Variants in CPOX observed in about 807,000 individuals in gnomAD.
CPOX encodes oxygen-dependent coproporphyrinogen-III oxidase, mitochondrial.
Under a neutral mutation model 48.9 loss-of-function variants are expected in CPOX, and 24 were observed. The observed-to-expected ratio is 0.49, with a 90% CI of 0.36 to 0.69. The LOEUF (loss-of-function observed/expected upper bound fraction) is 0.69. CPOX is among the 30% of genes least tolerant of loss of function. CPOX has a pLI of 0.00. For synonymous variants in CPOX, 249 were observed against 234.6 expected (o/e 1.06, Z -0.56); for missense variants, 549 against 597.3 (o/e 0.92, Z 0.84).
Position 98,579,657 on chromosome 3 carries a change from A to G in CPOX, c.*1026T>C. On this transcript the variant is annotated 3_prime_UTR_variant, in exon 7 of 7. Coordinates refer to ENST00000647941, the MANE Select transcript of CPOX (RefSeq NM_000097.7). ...TAATATATGAACAAAGAAATCATACATTAAGAATCCTGTTGTGATTTGCTC... is the reference window on the plus strand; with the variant it reads ...TAATATATGAACAAAGAAATCATACGTTAAGAATCCTGTTGTGATTTGCTC... 1.0e-6 allele frequency: 1 copy of G among 984,828 alleles called. No homozygotes were observed. Among genetic ancestry groups the G allele is most frequent in the Non-Finnish European group, 1.2e-6 (1 of 829,348 alleles). The allele number at this position is 984,828 out of a possible 1,614,324, so 61.0% of individuals were successfully genotyped here.
the CPOX span, among the ~76,000 whole-genome samples, chr3:98,573,801 G>C: frequency 6.6e-6 from 1 of 152,146 alleles, no homozygotes; most frequent in Admixed American, 6.5e-5. Context: ...TATTAACATA[G>C]AGTATAGATC....
rs1707213111 is a variant in CPOX at position 98,579,604 on chromosome 3, T to C, written c.*1079A>G. The C allele has an allele frequency of 5.1e-6, 5 of 984,812 alleles. No homozygotes were observed. Among genetic ancestry groups the C allele is most frequent in the Non-Finnish European group, 6.0e-6 (5 of 829,450 alleles). The allele number at this position is 984,812 out of a possible 1,614,324, so 61.0% of individuals were successfully genotyped here. On this transcript the variant is annotated 3_prime_UTR_variant, in exon 7 of 7. Coordinates refer to ENST00000647941, the MANE Select transcript of CPOX (RefSeq NM_000097.7). ...GAGATGCTCTTCCTTATAAACTTTA[T>C]TACGAAGCAAATAAAATAATACATT... is the stretch of plus-strand genomic sequence containing the variant.
At chr3:98,581,078 C>A (rs888712611) in intron 6 of CPOX, among the ~76,000 whole-genome samples, 1 of 151,552 alleles carries the variant, frequency 6.6e-6, no homozygotes, top group African/African-American at 2.4e-5. Context: ...ATGGGCAAAC[C>A]TTCTTTAGCT....
At chr3:98,575,611 G>A (rs139051262), downstream of CPOX, among the ~76,000 whole-genome samples, 1 of 151,250 alleles carries the variant, frequency 6.6e-6, no homozygotes, top group Non-Finnish European at 1.5e-5. Flanking sequence ...GGCCAACATA[G>A]TGAAACCTTG....
intron 4 of CPOX, among the ~76,000 whole-genome samples, chr3:98,588,397 T>G (rs1707407919): frequency 6.6e-6 from 1 of 152,220 alleles, no homozygotes; most frequent in African/African-American, 2.4e-5. Flanking sequence ...AATTCTCATC[T>G]GGAATAAGAA....
intron 4 of CPOX, 25 bp from the exon 5 acceptor site, chr3:98,585,684 CA>C: frequency 6.3e-7 from 1 of 1,577,426 alleles, no homozygotes; most frequent in Non-Finnish European, 8.7e-7. Flanking sequence ...GGCGCCAAAC[CA>C]GGGATCAAAT....
the CPOX span, among the ~76,000 whole-genome samples, chr3:98,571,907 G>A: frequency 0.025 from 3,759 of 152,036 alleles, 117 homozygotes; most frequent in African/African-American, 0.08. Flanking sequence ...TTGTCTTGTT[G>A]TATTATAGAG....
rs772309560 is a variant in CPOX at position 98,591,099 on chromosome 3, C to A, written c.613G>T (p.Val205Leu). Residue 205 changes from valine (V) to leucine (L), a missense_variant, in exon 2 of 7, where the codon GTG becomes TTG. Transcript: ENST00000647941. Reference protein sequence around the residue: ...QDGCVFEKAGVSISVVHGNLS... With the variant: ...QDGCVFEKAGLSISVVHGNLS... The stretch of plus-strand genomic sequence containing the variant: ...TTTCCATGAACAACAGAAATGCTCA[C>A]CCCAGCCTTTTCGAAAACACACCCA... The A allele has an allele frequency of 1.2e-5, 20 of 1,613,974 alleles. No individual in the cohort carries two copies. The highest frequency in any genetic ancestry group is 1.6e-5 in the Non-Finnish European group (19 of 1,179,972).
At chr3:98,592,869 CTAT>C (rs1025712441) in intron 1 of CPOX, 77 bp downstream of exon 1, 2 of 1,457,020 alleles carry the variant, frequency 1.4e-6, no homozygotes. Flanking sequence ...ATATTGTGAA[CTAT>C]TATATTTTCT....
At position 98,588,821 on chromosome 3, in the gene CPOX, T is replaced by G. The variant is rs573797955; in HGVS notation, c.845A>C (p.Asp282Ala). The change falls in exon 4 of 7, where the codon GAC (aspartate) becomes GCC (alanine). Residue 282 changes from aspartate to alanine, a missense_variant. Asp to Ala is a moderately radical substitution (Grantham distance 126, BLOSUM62 -2). Transcript: ENST00000647941. ...TTGATTCAAGTATGTTGGAGTGAGG[T>G]CACATCCACCACCAAACCACCACTG... ...NKQWWFGGGCDLTPTYLNQED... is the reference protein window; with the variant it reads ...NKQWWFGGGCALTPTYLNQED... 1 of 1,614,120 alleles carries G rather than the reference T, an allele frequency of 6.2e-7. No individual in the cohort carries two copies. Among genetic ancestry groups the G allele is most frequent in the Non-Finnish European group, 8.5e-7 (1 of 1,180,002 alleles).
rs150235153 is a variant in CPOX at position 98,585,477 on chromosome 3, G to T, written c.1136C>A (p.Pro379His). The T allele has an allele frequency of 3.1e-6, 5 of 1,614,038 alleles. No homozygotes were observed. The highest frequency in any genetic ancestry group is 4.2e-6 in the Non-Finnish European group (5 of 1,180,018). Reference protein sequence around the residue: ...VKKHCDDSFTPQEKLWQQLRR... With the variant: ...VKKHCDDSFTHQEKLWQQLRR... ...GAGCTGCTGCCACAGCTTCTCCTGG[G>T]GGGTGAATGAGTCATCACAGTGCTT... Residue 379 changes from proline (P) to histidine (H), a missense_variant, in exon 5 of 7, where the codon CCC becomes CAC. Physicochemically the swap from Pro to His is moderately conservative, Grantham distance 77. Around this residue, in one of 2 missense-constraint regions of CPOX, gnomAD observed 213 missense variants for 279.1 expected, o/e 0.76. Transcript: ENST00000647941.
chr3:98,576,873 G>A (rs1293674063), downstream of CPOX, among the ~76,000 whole-genome samples: 1 of 152,088 alleles, frequency 6.6e-6, no homozygotes, highest in Non-Finnish European at 1.5e-5. Context: ...GAAAACAAAG[G>A]TTAACACATC....
rs753600083 is a variant in CPOX, at chr3:98,585,673, C to T, written c.954-14G>A. 5.0e-6 allele frequency: 8 copies of T among 1,597,746 alleles called. No homozygotes were observed. The highest frequency in any genetic ancestry group is 1.3e-5 in the African/African-American group (1 of 74,488). On this transcript the variant is annotated splice_polypyrimidine_tract_variant and intron_variant, in intron 4 of 6. Coordinates refer to ENST00000647941, the MANE Select transcript of CPOX (RefSeq NM_000097.7). Reference sequence around the variant, plus strand: ...TAATCATCACACCTGGAAAACACAGCGGCGCCAAACCAGGGATCAAATGGA... The same window carrying T: ...TAATCATCACACCTGGAAAACACAGTGGCGCCAAACCAGGGATCAAATGGA...
At chr3:98,586,283 A>T (rs1042791950) in intron 4 of CPOX, among the ~76,000 whole-genome samples, 1 of 152,196 alleles carries the variant, frequency 6.6e-6, no homozygotes, top group African/African-American at 2.4e-5. Flanking sequence ...TCGATAGTGT[A>T]TTTCTTGGAA....
At chr3:98,585,728 C>T in intron 4 of CPOX, 69 bp from the exon 5 acceptor site, 1 of 1,257,264 alleles carries the variant, frequency 8.0e-7, no homozygotes, top group Non-Finnish European at 1.2e-6. Flanking sequence ...CAATGTGAGC[C>T]TTTCAGGTTA....
At chr3:98,583,478 T>C (rs1198063245) in intron 5 of CPOX, among the ~76,000 whole-genome samples, 2 of 152,206 alleles carry the variant, frequency 1.3e-5, no homozygotes, top group African/African-American at 2.4e-5. Context: ...CTGGGGTGCC[T>C]ATAAGTTAGG....
intron 4 of CPOX, among the ~76,000 whole-genome samples, chr3:98,586,620 C>T (rs1249769322): frequency 6.6e-6 from 1 of 152,138 alleles, no homozygotes; most frequent in Non-Finnish European, 1.5e-5. Flanking sequence ...GTCTTTTCCC[C>T]TCTATGACTA....
chr3:98,576,720 A>ACAATACAT (rs572545368), downstream of CPOX, among the ~76,000 whole-genome samples: 64 of 152,352 alleles, frequency 4.2e-4, no homozygotes, highest in Admixed American at 4.2e-3. Flanking sequence ...CAGGGATAAT[A>ACAATACAT]CAATACATCC....
intron 4 of CPOX, 64 bp from the exon 5 acceptor site, chr3:98,585,723 T>C (rs989262487): frequency 3.0e-6 from 4 of 1,311,976 alleles, no homozygotes; most frequent in Non-Finnish European, 4.4e-6. Context: ...AAAATCAATG[T>C]GAGCCTTTCA....
Sources: allele counts gnomAD v4.1 joint callset (sites outside exome capture counted in the v4.1 genomes callset), GRCh38; gene constraint gnomAD v4.1.1; regional missense constraint gnomAD v4.1.1; transcripts MANE v1.5; gene names NCBI Gene and HGNC (gene_info 2026-07-23, HGNC 2026-07-21).